SEZ6L: variants seen among roughly 807,000 people sequenced by gnomAD.
The protein encoded by SEZ6L is seizure 6-like protein.
A neutral mutation model predicts 106.2 loss-of-function variants in SEZ6L; 37 were observed. The observed-to-expected ratio is 0.35, with a 90% CI of 0.27 to 0.46. The LOEUF (loss-of-function observed/expected upper bound fraction) is 0.46, where lower values mean the gene tolerates loss of function less well. Among genes scored for constraint, SEZ6L ranks in the 20% least tolerant of loss-of-function variants. The probability of loss-of-function intolerance (pLI) is 1.00; values close to 1 mark genes in which losing one functional copy is unlikely to be tolerated. For synonymous variants in SEZ6L, 541 were observed against 570.4 expected (o/e 0.95, Z 0.73); for missense variants, 1,172 against 1,332.8 (o/e 0.88, Z 1.88).
chr22:26,308,601 C>A (rs1283593365), intron 6 of SEZ6L, among the ~76,000 whole-genome samples: 1 of 152,076 alleles, frequency 6.6e-6, no homozygotes, highest in African/African-American at 2.4e-5. Context: ...ACTGCGCCCA[C>A]CCTATCCTTG....
chr22:26,306,359 C>T (rs2081632305), intron 6 of SEZ6L, among the ~76,000 whole-genome samples: 1 of 152,174 alleles, frequency 6.6e-6, no homozygotes, highest in African/African-American at 2.4e-5. Flanking sequence ...AATGGACCTG[C>T]CCCAGCTCAA....
At chr22:26,321,973 C>T (rs893738586) in intron 9 of SEZ6L, among the ~76,000 whole-genome samples, 4 of 152,156 alleles carry the variant, frequency 2.6e-5, no homozygotes, top group African/African-American at 9.7e-5. Context: ...TTATTAAAAA[C>T]CTACTATGTG....
intron 1 of SEZ6L, among the ~76,000 whole-genome samples, chr22:26,259,189 G>A (rs1029708626): frequency 1.6e-4 from 24 of 152,192 alleles, no homozygotes; most frequent in African/African-American, 5.5e-4. Context: ...CATCCCAAAT[G>A]AGAGAAAGAA....
intron 1 of SEZ6L, among the ~76,000 whole-genome samples, chr22:26,190,508 A>T (rs932539043): frequency 5.9e-5 from 9 of 152,228 alleles, no homozygotes; most frequent in Admixed American, 4.6e-4. Flanking sequence ...TCTGCCACTT[A>T]TCTCAGGCAA....
intron 1 of SEZ6L, among the ~76,000 whole-genome samples, chr22:26,194,049 C>T (rs1261342198): frequency 6.6e-6 from 1 of 152,178 alleles, no homozygotes; most frequent in African/African-American, 2.4e-5. Context: ...GGGAGGCTTC[C>T]TGGAGGAGAT....
chr22:26,225,296 T>C (rs1174310267), intron 1 of SEZ6L, among the ~76,000 whole-genome samples: 1 of 152,196 alleles, frequency 6.6e-6, no homozygotes, highest in East Asian at 1.9e-4. Context: ...AGAGATTGGC[T>C]TGCCTCCCCC....
chr22:26,380,150 A>C, intron 16 of SEZ6L, 116 bp from the exon 17 acceptor site: 1 of 886,700 alleles, frequency 1.1e-6, no homozygotes, highest in South Asian at 1.6e-5. Context: ...GTGGGAGGGC[A>C]CTGAAAAGTC....
At chr22:26,184,332 A>G (rs1051842280) in intron 1 of SEZ6L, among the ~76,000 whole-genome samples, 1 of 152,098 alleles carries the variant, frequency 6.6e-6, no homozygotes, top group Non-Finnish European at 1.5e-5. Context: ...CACTTCTGGG[A>G]TCCCTAACCA....
intron 5 of SEZ6L, among the ~76,000 whole-genome samples, chr22:26,304,363 AAGAAAGAAGAAAGAAAGAAAGAAAG>A (rs1177736067): frequency 3.0e-4 from 27 of 91,064 alleles, no homozygotes; most frequent in African/African-American, 4.5e-4. Flanking sequence ...AAAAAAAAAA[AAGAAAGAAGAAAGAAAGAAAGAAAG>A]AAAGAAAGAA....
chr22:26,253,158 G>A (rs982001118), intron 1 of SEZ6L, among the ~76,000 whole-genome samples: 1 of 152,092 alleles, frequency 6.6e-6, no homozygotes, highest in African/African-American at 2.4e-5. Flanking sequence ...GATGTGGCTG[G>A]CCCAGAATCA....
chr22:26,285,405 A>G (rs1601381381), intron 1 of SEZ6L, among the ~76,000 whole-genome samples: 1 of 152,218 alleles, frequency 6.6e-6, no homozygotes, highest in African/African-American at 2.4e-5. Context: ...AAGCAACACA[A>G]AGCTGATCAG....
chr22:26,292,026 A>AGGAT (rs1245325846), intron 1 of SEZ6L, among the ~76,000 whole-genome samples: 6 of 110,908 alleles, frequency 5.4e-5, no homozygotes, highest in Non-Finnish European at 9.5e-5. Context: ...GAAGGAAGGA[A>AGGAT]GGAAGGAAGG....
intron 1 of SEZ6L, among the ~76,000 whole-genome samples, chr22:26,282,829 G>A (rs911779578): frequency 1.3e-5 from 2 of 152,022 alleles, no homozygotes; most frequent in African/African-American, 4.8e-5. Context: ...TTGGTGGCAG[G>A]GTAAATAGGT....
chr22:26,288,970 A>G (rs1008824287), intron 1 of SEZ6L, among the ~76,000 whole-genome samples: 18 of 152,342 alleles, frequency 1.2e-4, no homozygotes, highest in African/African-American at 2.6e-4. Context: ...ACCTTTTCCA[A>G]TTTAGCAGGG....
intron 5 of SEZ6L, among the ~76,000 whole-genome samples, chr22:26,305,345 GTGTT>G (rs1218343994): frequency 1.3e-5 from 2 of 152,176 alleles, no homozygotes; most frequent in African/African-American, 4.8e-5. Flanking sequence ...GCGGATCAAA[GTGTT>G]TGAGCACGTT....
chr22:26,173,523 A>T (rs1938767017), intron 1 of SEZ6L, among the ~76,000 whole-genome samples: 1 of 152,210 alleles, frequency 6.6e-6, no homozygotes, highest in African/African-American at 2.4e-5. Flanking sequence ...GAGCGGATGC[A>T]GGAGAGCAGG....
chr22:26,287,808 C>T (rs2145872877), intron 1 of SEZ6L, among the ~76,000 whole-genome samples: 1 of 152,270 alleles, frequency 6.6e-6, no homozygotes, highest in Non-Finnish European at 1.5e-5. Flanking sequence ...TGGACTTGGC[C>T]TTAAGTTTGG....
At chr22:26,175,627 G>C (rs1247319437) in intron 1 of SEZ6L, among the ~76,000 whole-genome samples, 2 of 152,082 alleles carry the variant, frequency 1.3e-5, no homozygotes, top group Non-Finnish European at 2.9e-5. Context: ...TTGAGGAAAG[G>C]AGAAGACCTC....
At chr22:26,239,051 C>T (rs2079033773) in intron 1 of SEZ6L, among the ~76,000 whole-genome samples, 1 of 152,158 alleles carries the variant, frequency 6.6e-6, no homozygotes, top group African/African-American at 2.4e-5. Context: ...AGCAAGACCC[C>T]ATCTCTACAA....
Sources: allele counts gnomAD v4.1 joint callset (sites outside exome capture counted in the v4.1 genomes callset), GRCh38; gene constraint gnomAD v4.1.1; transcripts MANE v1.5; gene names NCBI Gene and HGNC (gene_info 2026-07-23, HGNC 2026-07-21).